The following VPS50 variants were observed in gnomAD, a reference collection of about 807,000 sequenced individuals.
VPS50 encodes syndetin.
Under a neutral mutation model 139.7 loss-of-function variants are expected in VPS50, and 70 were observed. The ratio of observed to expected loss-of-function variants is 0.50; its 90% CI spans 0.41 to 0.61. VPS50 has a LOEUF of 0.61. VPS50 is among the 20% of genes least tolerant of loss of function. The probability of loss-of-function intolerance (pLI) is 0.00; values close to 1 mark genes in which losing one functional copy is unlikely to be tolerated. For missense variants in VPS50, 921 were observed against 1,133.7 expected (o/e 0.81, Z 2.69); for synonymous variants, 365 against 376.7 (o/e 0.97, Z 0.36).
intron 9 of VPS50, among the ~76,000 whole-genome samples, chr7:93,263,894 A>G (rs2116858348): frequency 6.6e-6 from 1 of 152,308 alleles, no homozygotes; most frequent in East Asian, 1.9e-4. Context: ...TCACAATGCA[A>G]TCATAAAAAT....
chr7:93,330,775 A>AC (rs1584477371), intron 21 of VPS50, among the ~76,000 whole-genome samples: 1 of 151,218 alleles, frequency 6.6e-6, no homozygotes, highest in Admixed American at 6.6e-5. Flanking sequence ...AAAAAAAAAA[A>AC]AAAAAAACCC....
chr7:93,233,396 G>A lies in VPS50; in HGVS notation c.33+896G>A, dbSNP rs552612259. Among the ~76,000 whole-genome samples, 144 of 152,278 alleles carry A rather than the reference G, an allele frequency of 9.5e-4. 1 individual carries two copies. Among genetic ancestry groups the A allele is most frequent in the Admixed American group, 7.2e-4 (11 of 15,292 alleles). On this transcript the variant is annotated intron_variant, in intron 1 of 27. Coordinates refer to ENST00000305866, the MANE Select transcript of VPS50 (RefSeq NM_017667.4). ...TGGCTTTTAGAAGTTTGGAGAATGT[G>A]GAAGGTAATCGTTTAGTGAAAGGTA...
chr7:93,312,749 G>A (rs1342663579), intron 20 of VPS50, among the ~76,000 whole-genome samples: 1 of 150,980 alleles, frequency 6.6e-6, no homozygotes, highest in Non-Finnish European at 1.5e-5. Flanking sequence ...CAGATATGTG[G>A]TGGTAGTTAT....
Position 93,284,849 on chromosome 7 carries a change from C to T in VPS50, c.943-6854C>T, listed in dbSNP as rs117139869. 3.9e-3 allele frequency among the ~76,000 whole-genome samples: 596 copies of T among 152,298 alleles called. 7 individuals carry two copies. The highest frequency in any genetic ancestry group is 5.6e-3 in the Non-Finnish European group (379 of 68,034). Reference sequence around the variant, plus strand: ...GTTTCATCTAGTTCAGTGCTCTTTCCACTATGCAGTACTACCTCTCTGGTT... The same window carrying T: ...GTTTCATCTAGTTCAGTGCTCTTTCTACTATGCAGTACTACCTCTCTGGTT... On this transcript the variant is annotated intron_variant, in intron 12 of 27. Transcript: ENST00000305866.
chr7:93,322,203 G>T, intron 20 of VPS50, among the ~76,000 whole-genome samples: 1 of 152,120 alleles, frequency 6.6e-6, no homozygotes, highest in East Asian at 1.9e-4. Flanking sequence ...TAAGAAAGAC[G>T]TACTGAGTTC....
chr7:93,321,965 T>A (rs761203805), intron 20 of VPS50, among the ~76,000 whole-genome samples: 1 of 152,230 alleles, frequency 6.6e-6, no homozygotes, highest in Non-Finnish European at 1.5e-5. Context: ...ACCTGCATAA[T>A]GATCCAGAGT....
intron 12 of VPS50, among the ~76,000 whole-genome samples, chr7:93,286,726 T>C (rs1796496965): frequency 2.0e-5 from 3 of 152,152 alleles, no homozygotes; most frequent in Admixed American, 2.0e-4. Flanking sequence ...ATCTCTCTGG[T>C]TATGATTCAT....
At chr7:93,233,102 C>T (rs1470346996) in intron 1 of VPS50, among the ~76,000 whole-genome samples, 2 of 152,286 alleles carry the variant, frequency 1.3e-5, no homozygotes, top group African/African-American at 4.8e-5. Flanking sequence ...TTTGTCATGG[C>T]AAAATACTGA....
At chr7:93,304,176 A>G in intron 17 of VPS50, among the ~76,000 whole-genome samples, 1 of 151,840 alleles carries the variant, frequency 6.6e-6, no homozygotes, top group Non-Finnish European at 1.5e-5. Flanking sequence ...CTTGTGTGAA[A>G]GATTGTGTTC....
intron 17 of VPS50, among the ~76,000 whole-genome samples, chr7:93,305,411 G>A (rs1797086553): frequency 6.6e-6 from 1 of 151,932 alleles, no homozygotes; most frequent in Non-Finnish European, 1.5e-5. Flanking sequence ...TATTTGTACA[G>A]AATATCTTAA....
Position 93,348,286 on chromosome 7 carries a change from G to A in VPS50, c.2208-425G>A, listed in dbSNP as rs147547856. Among the ~76,000 whole-genome samples, 261 of 152,252 alleles carry A rather than the reference G, an allele frequency of 1.7e-3. 1 individual carries two copies. The highest frequency in any genetic ancestry group is 3.4e-3 in the Middle Eastern group (1 of 294). ...AGTCTGCTGCCTATTAGGAATGTTG[G>A]GGTTACTTCTGAAAAGTGTCAGATA... On this transcript the variant is annotated intron_variant, in intron 23 of 27. Coordinates refer to ENST00000305866, the MANE Select transcript of VPS50 (RefSeq NM_017667.4).
At chr7:93,342,198 G>A (rs535435835) in intron 23 of VPS50, among the ~76,000 whole-genome samples, 9 of 152,332 alleles carry the variant, frequency 5.9e-5, no homozygotes, top group African/African-American at 1.9e-4. Context: ...CCCTTTCCTA[G>A]TCAAAGAAAG....
intron 16 of VPS50, among the ~76,000 whole-genome samples, chr7:93,298,666 C>G (rs1056587351): frequency 2.6e-5 from 4 of 152,126 alleles, no homozygotes; most frequent in African/African-American, 9.7e-5. Flanking sequence ...TAGCAACTAG[C>G]TAGGGGCATT....
At chr7:93,290,673 A>T (rs1796623200) in intron 12 of VPS50, among the ~76,000 whole-genome samples, 1 of 152,036 alleles carries the variant, frequency 6.6e-6, no homozygotes, top group Admixed American at 6.6e-5. Context: ...TTCTTGGCAT[A>T]AACCCCACAG....
intron 2 of VPS50, among the ~76,000 whole-genome samples, chr7:93,248,276 T>C (rs1795215517): frequency 6.6e-6 from 1 of 152,056 alleles, no homozygotes; most frequent in African/African-American, 2.4e-5. Context: ...TTTTGCCTTG[T>C]AATTTTTTTA....
chr7:93,277,545 G>A, intron 12 of VPS50, among the ~76,000 whole-genome samples: 1 of 152,134 alleles, frequency 6.6e-6, no homozygotes, highest in East Asian at 1.9e-4. Context: ...TGTCTGTTGG[G>A]TACTACAGAA....
At chr7:93,329,327 C>T (rs1258868386) in intron 21 of VPS50, among the ~76,000 whole-genome samples, 1 of 151,948 alleles carries the variant, frequency 6.6e-6, no homozygotes, top group African/African-American at 2.4e-5. Flanking sequence ...AAAATTTACT[C>T]AATATACTTA....
At chr7:93,243,689 A>G (rs921311131) in intron 2 of VPS50, among the ~76,000 whole-genome samples, 3 of 151,974 alleles carry the variant, frequency 2.0e-5, no homozygotes, top group African/African-American at 7.2e-5. Flanking sequence ...TTAATTGGTT[A>G]CAAGAATTAA....
chr7:93,265,535 G>A (rs1795815530), intron 9 of VPS50, among the ~76,000 whole-genome samples: 1 of 152,208 alleles, frequency 6.6e-6, no homozygotes, highest in South Asian at 2.1e-4. Flanking sequence ...TGGACTCTGA[G>A]CTTTGTGGTG....
Sources: allele counts gnomAD v4.1 joint callset (sites outside exome capture counted in the v4.1 genomes callset), GRCh38; gene constraint gnomAD v4.1.1; transcripts MANE v1.5; gene names NCBI Gene and HGNC (gene_info 2026-07-23, HGNC 2026-07-21).